Variants in PGBD5 observed in about 807,000 individuals in gnomAD.
PGBD5 encodes piggyBac transposable element derived 5.
Under a neutral mutation model 47.9 loss-of-function variants are expected in PGBD5, and 14 were observed. The ratio of observed to expected loss-of-function variants is 0.29; its 90% CI spans 0.19 to 0.46. The LOEUF (loss-of-function observed/expected upper bound fraction) is 0.46, where lower values mean the gene tolerates loss of function less well. Ranked by LOEUF, PGBD5 falls within the 20% of genes least tolerant of loss-of-function variation. The pLI is 1.00. For synonymous variants in PGBD5, 316 were observed against 306.3 expected, an observed-to-expected ratio of 1.03 and a Z score of -0.33; for missense variants, 635 against 716.0, an observed-to-expected ratio of 0.89 and a Z score of 1.29.
At chr1:230,326,490 G>A (rs1438467049) in intron 5 of PGBD5, among the ~76,000 whole-genome samples, 1 of 152,154 alleles carries the variant, frequency 6.6e-6, no homozygotes, top group African/African-American at 2.4e-5. Flanking sequence ...ATGAGGTCTT[G>A]CTCTGTCACT....
At chr1:230,387,135 T>C (rs939951027) in intron 1 of PGBD5, among the ~76,000 whole-genome samples, 2 of 152,178 alleles carry the variant, frequency 1.3e-5, no homozygotes, top group African/African-American at 2.4e-5. Flanking sequence ...CCTTATTGTC[T>C]AGCAGATAGG....
intron 1 of PGBD5, among the ~76,000 whole-genome samples, chr1:230,376,801 T>TA (rs889133562): frequency 2.6e-5 from 4 of 152,116 alleles, no homozygotes; most frequent in African/African-American, 7.2e-5. Context: ...TCTGGCTCTT[T>TA]AAAAAAAACT....
chr1:230,365,146 T>C (rs1411412649), intron 1 of PGBD5, among the ~76,000 whole-genome samples: 1 of 150,344 alleles, frequency 6.7e-6, no homozygotes, highest in East Asian at 1.9e-4. Context: ...ACCCCATCTC[T>C]ACTAAAAATA....
intron 3 of PGBD5, among the ~76,000 whole-genome samples, chr1:230,350,753 C>T (rs1318778270): frequency 2.0e-5 from 3 of 152,230 alleles, no homozygotes; most frequent in Non-Finnish European, 4.4e-5. Context: ...GGGGTGGCAG[C>T]AGCCTCTCCA....
At chr1:230,422,650 G>A (rs1427745808) in intron 1 of PGBD5, among the ~76,000 whole-genome samples, 1 of 152,186 alleles carries the variant, frequency 6.6e-6, no homozygotes, top group Non-Finnish European at 1.5e-5. Context: ...TGAGAGAGGA[G>A]ACAGAAGAGT....
At chr1:230,329,548 G>C (rs1049901325) in intron 5 of PGBD5, among the ~76,000 whole-genome samples, 1 of 152,152 alleles carries the variant, frequency 6.6e-6, no homozygotes, top group East Asian at 1.9e-4. Flanking sequence ...GTCTTGCTCT[G>C]TCGGCCAGGC....
At chr1:230,396,255 C>CCCCACTCTTCCCTTTTACT (rs1656965037) in intron 1 of PGBD5, among the ~76,000 whole-genome samples, 1 of 9,576 alleles carries the variant, frequency 1.0e-4, no homozygotes, top group Non-Finnish European at 1.8e-4. Flanking sequence ...CCTTTTACCC[C>CCCCACTCTTCCCTTTTACT]CACACTCCTC....
intron 1 of PGBD5, among the ~76,000 whole-genome samples, chr1:230,404,717 G>A (rs1484308260): frequency 6.6e-6 from 1 of 150,478 alleles, no homozygotes; most frequent in Non-Finnish European, 1.5e-5. Flanking sequence ...CAGATCAACT[G>A]AGGTCAGGAG....
intron 1 of PGBD5, among the ~76,000 whole-genome samples, chr1:230,379,941 A>G (rs190798741): frequency 6.6e-6 from 1 of 152,378 alleles, no homozygotes; most frequent in East Asian, 1.9e-4. Flanking sequence ...GAACCCAGGA[A>G]GTCTGGCTCC....
intron 1 of PGBD5, among the ~76,000 whole-genome samples, chr1:230,412,001 C>G (rs967014806): frequency 1.3e-5 from 2 of 152,098 alleles, no homozygotes; most frequent in Admixed American, 6.5e-5. Context: ...AACTCTCCCC[C>G]CAAAAAGAAA....
chr1:230,396,564 C>CG (rs1317151181), intron 1 of PGBD5, among the ~76,000 whole-genome samples: 1 of 139,236 alleles, frequency 7.2e-6, no homozygotes, highest in Non-Finnish European at 1.5e-5. Flanking sequence ...TTGTTGCCCC[C>CG]CCTCCCCCTG....
At chr1:230,381,735 C>T (rs11806785) in intron 1 of PGBD5, among the ~76,000 whole-genome samples, 4,859 of 152,260 alleles carry the variant, frequency 0.032, 252 homozygotes, top group African/African-American at 0.11. Flanking sequence ...TTCCCGGAGC[C>T]GCCGTCTGTG....
At chr1:230,376,528 C>G (rs1200593568) in intron 1 of PGBD5, among the ~76,000 whole-genome samples, 2 of 152,156 alleles carry the variant, frequency 1.3e-5, no homozygotes, top group Non-Finnish European at 2.9e-5. Flanking sequence ...TGCCTGAGGT[C>G]CTGGCCTCTG....
chr1:230,415,699 A>C (rs1657497764), intron 1 of PGBD5, among the ~76,000 whole-genome samples: 1 of 152,216 alleles, frequency 6.6e-6, no homozygotes, highest in South Asian at 2.1e-4. Flanking sequence ...ACCAGGCAGC[A>C]GTCCCATCTC....
chr1:230,341,337 T>G (rs1333895894), intron 3 of PGBD5, among the ~76,000 whole-genome samples: 1 of 152,140 alleles, frequency 6.6e-6, no homozygotes, highest in Non-Finnish European at 1.5e-5. Flanking sequence ...CTGGTCCTGG[T>G]TTGCTTTGAC....
intron 1 of PGBD5, among the ~76,000 whole-genome samples, chr1:230,418,422 A>C (rs1318539868): frequency 6.6e-6 from 1 of 152,216 alleles, no homozygotes; most frequent in East Asian, 1.9e-4. Context: ...TGATGAACTC[A>C]GAATAATGGC....
intron 1 of PGBD5, among the ~76,000 whole-genome samples, chr1:230,424,941 G>C (rs752768814): frequency 2.6e-5 from 4 of 152,186 alleles, no homozygotes; most frequent in Non-Finnish European, 5.9e-5. Context: ...TGGTAAGCAG[G>C]ACACACCTGA....
At chr1:230,416,170 TG>T (rs1196438833) in intron 1 of PGBD5, among the ~76,000 whole-genome samples, 1 of 152,122 alleles carries the variant, frequency 6.6e-6, no homozygotes, top group Non-Finnish European at 1.5e-5. Context: ...AGCTCAAGAC[TG>T]TATTAAATTC....
intron 1 of PGBD5, among the ~76,000 whole-genome samples, chr1:230,378,467 C>G (rs539203090): frequency 1.3e-5 from 2 of 152,336 alleles, no homozygotes; most frequent in Admixed American, 6.5e-5. Context: ...CATATATGCT[C>G]ACCTACAAGC....
Sources: allele counts gnomAD v4.1 joint callset (sites outside exome capture counted in the v4.1 genomes callset), GRCh38; gene constraint gnomAD v4.1.1; transcripts MANE v1.5; gene names NCBI Gene and HGNC (gene_info 2026-07-23, HGNC 2026-07-21).